FCHSD2: variants seen among roughly 807,000 people sequenced by gnomAD.
The protein encoded by FCHSD2 is F-BAR and double SH3 domains protein 2.
Under a neutral mutation model 108.1 loss-of-function variants are expected in FCHSD2, and 38 were observed. That is an observed-to-expected ratio of 0.35 (90% CI 0.27 to 0.46). FCHSD2 has a LOEUF of 0.46. Among genes scored for constraint, FCHSD2 ranks in the 20% least tolerant of loss-of-function variants. The pLI, the probability that FCHSD2 is intolerant of heterozygous loss-of-function variation, is 1.00. For synonymous variants in FCHSD2, 279 were observed against 314.7 expected (o/e 0.89, Z 1.20); for missense variants, 751 against 897.8 (o/e 0.84, Z 2.09).
At position 72,854,507 on chromosome 11, in the gene FCHSD2, T is replaced by A. The variant is rs991672396; in HGVS notation, c.1309-4618A>T. Among the ~76,000 whole-genome samples the A allele has an allele frequency of 2.6e-5, 4 of 152,172 alleles. No homozygotes were observed. The East Asian group carries it at 5.8e-4, about 22-fold the overall frequency. Reference sequence around the variant, plus strand: ...AGTGCAATGGTGCGATCATAGCTCATTGCAGCTTTGAACTCCTGGATGCAA... The same window carrying A: ...AGTGCAATGGTGCGATCATAGCTCAATGCAGCTTTGAACTCCTGGATGCAA... On this transcript the variant is annotated intron_variant, in intron 13 of 19. Coordinates refer to ENST00000409418, the MANE Select transcript of FCHSD2 (RefSeq NM_014824.3).
At chr11:73,134,833 G>A (rs1411375138) in intron 2 of FCHSD2, among the ~76,000 whole-genome samples, 1 of 152,092 alleles carries the variant, frequency 6.6e-6, no homozygotes, top group South Asian at 2.1e-4. Flanking sequence ...TTCTGGGGGG[G>A]AGTTTGTTTT....
intron 3 of FCHSD2, among the ~76,000 whole-genome samples, chr11:73,078,346 C>T (rs1189044171): frequency 1.3e-5 from 2 of 152,000 alleles, no homozygotes; most frequent in Admixed American, 1.3e-4. Context: ...CAGACATATA[C>T]CAAAGAAAGA....
At chr11:73,051,868 A>AACACAC (rs61511109) in intron 3 of FCHSD2, among the ~76,000 whole-genome samples, 178 of 141,806 alleles carry the variant, frequency 1.3e-3, no homozygotes, top group African/African-American at 2.0e-3. Flanking sequence ...ACGGTATATA[A>AACACAC]ACACACACAC....
chr11:72,937,256 T>C (rs1856321941), intron 8 of FCHSD2, among the ~76,000 whole-genome samples: 1 of 152,224 alleles, frequency 6.6e-6, no homozygotes, highest in South Asian at 2.1e-4. Context: ...GATTAGACAG[T>C]AAATAGGACT....
intron 3 of FCHSD2, among the ~76,000 whole-genome samples, chr11:73,061,574 T>G (rs1008032839): frequency 6.6e-6 from 1 of 152,192 alleles, no homozygotes; most frequent in Non-Finnish European, 1.5e-5. Flanking sequence ...AAATTCTCAC[T>G]GCCAGCACAG....
intron 3 of FCHSD2, among the ~76,000 whole-genome samples, chr11:73,046,667 C>T (rs1858774512): frequency 6.6e-6 from 1 of 152,060 alleles, no homozygotes; most frequent in Non-Finnish European, 1.5e-5. Flanking sequence ...TACAAGGAAG[C>T]CATTTTCAGA....
rs1185598310 is a variant in FCHSD2, at chr11:72,837,022, A to T, written c.*1769T>A. 2.0e-5 allele frequency: 3 copies of T among 152,340 alleles called. No individual in the cohort carries two copies. The highest frequency in any genetic ancestry group is 6.5e-5 in the Admixed American group (1 of 15,290). 9.4% of individuals were successfully genotyped at this position (152,340 alleles called of 1,614,324 possible). A position where few individuals can be genotyped will look rare whatever the true frequency, so the allele number is the denominator to read the frequency against. Reference sequence around the variant, plus strand: ...AACCCTTTGAGGTTGTGGAAAACCCAAATTCAAGGACAATTTGGCTAGCTA... The same window carrying T: ...AACCCTTTGAGGTTGTGGAAAACCCTAATTCAAGGACAATTTGGCTAGCTA... On this transcript the variant is annotated 3_prime_UTR_variant, in exon 20 of 20. Coordinates refer to ENST00000409418, the MANE Select transcript of FCHSD2 (RefSeq NM_014824.3).
At chr11:73,013,125 T>C (rs1466360964) in intron 4 of FCHSD2, among the ~76,000 whole-genome samples, 2 of 152,220 alleles carry the variant, frequency 1.3e-5, no homozygotes, top group East Asian at 1.9e-4. Flanking sequence ...AACTCTATAC[T>C]GTGATATGTA....
chr11:72,901,401 A>T (rs1855523719), intron 10 of FCHSD2, among the ~76,000 whole-genome samples: 1 of 151,998 alleles, frequency 6.6e-6, no homozygotes. Context: ...TGTCTCAAAA[A>T]TAAAATAATA....
At chr11:72,931,402 C>T (rs777547620) in intron 8 of FCHSD2, among the ~76,000 whole-genome samples, 1 of 148,670 alleles carries the variant, frequency 6.7e-6, no homozygotes, top group Non-Finnish European at 1.5e-5. Flanking sequence ...CCACCATGCC[C>T]AGCCTTAAAT....
intron 2 of FCHSD2, among the ~76,000 whole-genome samples, chr11:73,087,704 C>CAAA (rs534614813): frequency 1.8e-5 from 2 of 114,140 alleles, no homozygotes; most frequent in Admixed American, 1.8e-4. Flanking sequence ...GGCTTTGTCT[C>CAAA]AAAAAAAAAA....
chr11:72,876,611 CTA>C (rs1854975780), intron 12 of FCHSD2, among the ~76,000 whole-genome samples: 1 of 152,236 alleles, frequency 6.6e-6, no homozygotes, highest in African/African-American at 2.4e-5. Flanking sequence ...GTTGAATGTT[CTA>C]TGTGTACTTT....
chr11:73,096,520 C>T (rs1860081207), intron 2 of FCHSD2, among the ~76,000 whole-genome samples: 1 of 151,982 alleles, frequency 6.6e-6, no homozygotes, highest in South Asian at 2.1e-4. Context: ...TGCTGCACTC[C>T]AGCCTGGGTG....
intron 10 of FCHSD2, chr11:72,900,147 T>C: frequency 1.6e-6 from 1 of 636,410 alleles, no homozygotes; most frequent in Non-Finnish European, 2.7e-6. Context: ...CATCAGGGCC[T>C]CTTATACATG....
chr11:73,049,312 C>T (rs1459304706), intron 3 of FCHSD2, among the ~76,000 whole-genome samples: 2 of 151,978 alleles, frequency 1.3e-5, no homozygotes, highest in East Asian at 1.9e-4. Context: ...GTCTCATACC[C>T]ACAACAATAT....
chr11:73,131,609 C>T (rs913551361), intron 2 of FCHSD2, among the ~76,000 whole-genome samples: 2 of 151,388 alleles, frequency 1.3e-5, no homozygotes, highest in African/African-American at 2.4e-5. Flanking sequence ...GAGGCTGAGG[C>T]ACAAGGATCG....
chr11:73,051,746 A>T (rs542549052), intron 3 of FCHSD2, among the ~76,000 whole-genome samples: 6 of 152,304 alleles, frequency 3.9e-5, no homozygotes, highest in South Asian at 2.1e-4. Context: ...AACAAAAAAA[A>T]TTTGAAATAA....
chr11:73,051,552 C>A (rs901569091), intron 3 of FCHSD2, among the ~76,000 whole-genome samples: 7 of 151,862 alleles, frequency 4.6e-5, no homozygotes, highest in African/African-American at 1.7e-4. Flanking sequence ...GTAAACCAAA[C>A]AACAATGAAA....
intron 8 of FCHSD2, among the ~76,000 whole-genome samples, chr11:72,948,081 C>T (rs936407423): frequency 6.6e-6 from 1 of 152,154 alleles, no homozygotes; most frequent in African/African-American, 2.4e-5. Flanking sequence ...GATCTCGGCT[C>T]ACTGCAACCT....
Sources: allele counts gnomAD v4.1 joint callset (sites outside exome capture counted in the v4.1 genomes callset), GRCh38; gene constraint gnomAD v4.1.1; transcripts MANE v1.5; gene names NCBI Gene and HGNC (gene_info 2026-07-23, HGNC 2026-07-21).